Variants in CBLB observed in about 807,000 individuals in gnomAD.
CBLB encodes the protein E3 ubiquitin-protein ligase CBL-B.
Under a neutral mutation model 104.9 loss-of-function variants are expected in CBLB, and 31 were observed. The observed-to-expected ratio is 0.30, with a 90% confidence interval of 0.22 to 0.40. The LOEUF is 0.40. Among genes scored for constraint, CBLB ranks in the 10% least tolerant of loss-of-function variants. The probability of loss-of-function intolerance (pLI) is 1.00; values close to 1 mark genes in which losing one functional copy is unlikely to be tolerated. For missense variants in CBLB, 1,062 were observed against 1,214.6 expected (o/e 0.87, Z 1.87); for synonymous variants, 440 against 422.6 (o/e 1.04, Z -0.51).
chr3:105,773,485 C>A (rs1474964840), intron 4 of CBLB, among the ~76,000 whole-genome samples: 1 of 152,156 alleles, frequency 6.6e-6, no homozygotes, highest in African/African-American at 2.4e-5. Flanking sequence ...TTATAAATCA[C>A]CACTTCAATC....
Position 105,868,955 on chromosome 3 carries a change from G to A in CBLB, c.-234C>T. The A allele has an allele frequency of 2.0e-6, 2 of 1,020,666 alleles. No individual in the cohort carries two copies. 63.2% of individuals were successfully genotyped at this position (1,020,666 alleles called of 1,614,324 possible). On this transcript the variant is annotated 5_prime_UTR_variant, in exon 1 of 19. Transcript: ENST00000394030. ...CCCGCTCTCCCCTCCCGCCCGACTC[G>A]GGGAGGCCGCGGGACGCCGCAGCAG... is the stretch of plus-strand genomic sequence containing the variant.
chr3:105,779,263 A>C (rs958443876), intron 3 of CBLB, among the ~76,000 whole-genome samples: 6 of 152,212 alleles, frequency 3.9e-5, no homozygotes, highest in Non-Finnish European at 7.4e-5. Context: ...CTAAACTTTA[A>C]AAGAAACATA....
chr3:105,845,231 T>TG (rs2090081203), intron 3 of CBLB, among the ~76,000 whole-genome samples: 1 of 151,890 alleles, frequency 6.6e-6, no homozygotes, highest in Non-Finnish European at 1.5e-5. Context: ...TGCTCATCTG[T>TG]GGGGGAAAAA....
At chr3:105,708,887 A>G (rs1383501238) in intron 10 of CBLB, among the ~76,000 whole-genome samples, 1 of 152,038 alleles carries the variant, frequency 6.6e-6, no homozygotes, top group Non-Finnish European at 1.5e-5. Context: ...AAAATGGATT[A>G]TTTTGATGTA....
intron 3 of CBLB, among the ~76,000 whole-genome samples, chr3:105,780,908 C>T: frequency 6.6e-6 from 1 of 151,930 alleles, no homozygotes; most frequent in Non-Finnish European, 1.5e-5. Flanking sequence ...GATCTGCCCG[C>T]CTCGGCCTCC....
chr3:105,682,079 T>G, intron 14 of CBLB: 1 of 422,988 alleles, frequency 2.4e-6, no homozygotes, highest in Non-Finnish European at 4.3e-6. Flanking sequence ...GTTGATATCC[T>G]AAACACTATG....
chr3:105,834,066 A>G (rs964724685), intron 3 of CBLB, among the ~76,000 whole-genome samples: 4 of 151,410 alleles, frequency 2.6e-5, no homozygotes, highest in African/African-American at 9.7e-5. Flanking sequence ...TAAAAAATAT[A>G]TCAATCACAA....
At chr3:105,774,570 G>C (rs956983208) in intron 4 of CBLB, among the ~76,000 whole-genome samples, 2 of 152,140 alleles carry the variant, frequency 1.3e-5, no homozygotes, top group African/African-American at 4.8e-5. Context: ...TTGGGAGGTA[G>C]GGAAAGTATC....
At chr3:105,743,484 A>AT (rs1322027011) in intron 6 of CBLB, among the ~76,000 whole-genome samples, 7 of 148,852 alleles carry the variant, frequency 4.7e-5, no homozygotes, top group Non-Finnish European at 8.9e-5. Flanking sequence ...ATTAAAAAAA[A>AT]ATATATATAT....
At chr3:105,698,605 CA>C (rs34896633) in intron 12 of CBLB, among the ~76,000 whole-genome samples, 37,058 of 80,438 alleles carry the variant, frequency 0.46, 5,284 homozygotes, top group Middle Eastern at 0.59. Context: ...ACCATTTGAC[CA>C]AAAAAAAAAA....
intron 8 of CBLB, among the ~76,000 whole-genome samples, chr3:105,735,772 C>T (rs1377982638): frequency 6.6e-6 from 1 of 152,028 alleles, no homozygotes; most frequent in Non-Finnish European, 1.5e-5. Flanking sequence ...ATGGAGAAAC[C>T]CCATCTCTAC....
intron 2 of CBLB, among the ~76,000 whole-genome samples, chr3:105,866,653 TA>T (rs1379672018): frequency 6.6e-6 from 1 of 152,230 alleles, no homozygotes; most frequent in African/African-American, 2.4e-5. Context: ...AGTTTCTGAG[TA>T]AATCTCTGTA....
intron 3 of CBLB, among the ~76,000 whole-genome samples, chr3:105,785,943 A>G (rs1045367143): frequency 1.3e-5 from 2 of 151,482 alleles, no homozygotes; most frequent in African/African-American, 4.8e-5. Flanking sequence ...TGCCCCAGAT[A>G]TGCCTTCTCC....
intron 4 of CBLB, among the ~76,000 whole-genome samples, chr3:105,754,756 T>C (rs949956807): frequency 5.9e-5 from 9 of 152,184 alleles, no homozygotes; most frequent in Non-Finnish European, 1.0e-4. Flanking sequence ...CCTGTAATAA[T>C]AATATAATTT....
chr3:105,674,496 A>C (rs2065393140), intron 17 of CBLB, among the ~76,000 whole-genome samples: 1 of 152,226 alleles, frequency 6.6e-6, no homozygotes, highest in African/African-American at 2.4e-5. Context: ...GGTTAGAGAA[A>C]CAGCAAAATA....
At chr3:105,856,681 G>A (rs1297057370) in intron 2 of CBLB, among the ~76,000 whole-genome samples, 4 of 151,778 alleles carry the variant, frequency 2.6e-5, no homozygotes, top group Admixed American at 6.6e-5. Flanking sequence ...ATAATCCAAA[G>A]GTATAGGCTT....
chr3:105,773,363 T>A (rs1398795183), intron 4 of CBLB, among the ~76,000 whole-genome samples: 1 of 152,148 alleles, frequency 6.6e-6, no homozygotes, highest in Non-Finnish European at 1.5e-5. Context: ...AAGAATGATA[T>A]AATGGACTTT....
At chr3:105,725,033 T>C (rs779852327) in intron 9 of CBLB, among the ~76,000 whole-genome samples, 3 of 152,130 alleles carry the variant, frequency 2.0e-5, no homozygotes, top group Non-Finnish European at 2.9e-5. Flanking sequence ...AAGGTTAAAA[T>C]AAAGGTGAAA....
intron 16 of CBLB, among the ~76,000 whole-genome samples, chr3:105,679,069 A>T (rs2065987513): frequency 6.6e-6 from 1 of 152,144 alleles, no homozygotes; most frequent in South Asian, 2.1e-4. Context: ...ATTTTAATTT[A>T]TTTAACCTAA....
Sources: allele counts gnomAD v4.1 joint callset (sites outside exome capture counted in the v4.1 genomes callset), GRCh38; gene constraint gnomAD v4.1.1; transcripts MANE v1.5; gene names NCBI Gene and HGNC (gene_info 2026-07-23, HGNC 2026-07-21).